Variants in MICAL2 observed in about 807,000 individuals in gnomAD.
MICAL2 encodes [F-actin]-monooxygenase MICAL2.
A neutral mutation model predicts 127.3 loss-of-function variants in MICAL2; 77 were observed. The observed-to-expected ratio is 0.60, with a 90% CI of 0.50 to 0.73. The LOEUF (loss-of-function observed/expected upper bound fraction) is 0.73. Among genes scored for constraint, MICAL2 ranks in the 30% least tolerant of loss-of-function variants. The pLI, the probability that MICAL2 is intolerant of heterozygous loss-of-function variation, is 0.00. For synonymous variants in MICAL2, 570 were observed against 551.1 expected, an observed-to-expected ratio of 1.03 and a Z score of -0.48; for missense variants, 1,351 against 1,434.4, an observed-to-expected ratio of 0.94 and a Z score of 0.94.
At chr11:12,292,115 A>T, downstream of MICAL2, 1 of 1,605,048 alleles carries the variant, frequency 6.2e-7, no homozygotes, top group Non-Finnish European at 8.5e-7. Flanking sequence ...ACACCTTTGT[A>T]ATGAAGAGTG....
intron 3 of MICAL2, among the ~76,000 whole-genome samples, chr11:12,189,146 G>A (rs1043858799): frequency 3.0e-4 from 46 of 152,044 alleles, no homozygotes; most frequent in African/African-American, 1.0e-3. Flanking sequence ...ACCTTTATAC[G>A]TTAACTGTGT....
downstream of MICAL2, among the ~76,000 whole-genome samples, chr11:12,293,298 C>T (rs951413758): frequency 5.9e-5 from 9 of 152,310 alleles, no homozygotes; most frequent in African/African-American, 2.2e-4. Context: ...CCCTGGCTTC[C>T]AACCCAGCTA....
intron 3 of MICAL2, among the ~76,000 whole-genome samples, chr11:12,162,935 C>T (rs1042094416): frequency 2.6e-5 from 4 of 152,142 alleles, no homozygotes; most frequent in Admixed American, 1.3e-4. Flanking sequence ...GAGTTGTGTT[C>T]GCCTGGGTGT....
At chr11:12,252,575 T>C (rs1165725308) in intron 22 of MICAL2, 1 of 152,244 alleles carries the variant, frequency 6.6e-6, no homozygotes, top group African/African-American at 2.4e-5. Flanking sequence ...TCCTGGGCTT[T>C]GTTTGCACCA....
chr11:12,356,735 G>A (rs1186890058), intron 34 of MICAL2, among the ~76,000 whole-genome samples: 1 of 152,200 alleles, frequency 6.6e-6, no homozygotes, highest in Non-Finnish European at 1.5e-5. Context: ...CCCTGTGGCA[G>A]GTCCACTAGC....
chr11:12,167,457 G>A (rs1855649506), intron 3 of MICAL2, among the ~76,000 whole-genome samples: 1 of 152,102 alleles, frequency 6.6e-6, no homozygotes, highest in Non-Finnish European at 1.5e-5. Context: ...AGCGAGGCAG[G>A]GTGCAAGGAT....
chr11:12,309,472 A>G (rs994120911), intron 29 of MICAL2, among the ~76,000 whole-genome samples: 18 of 152,078 alleles, frequency 1.2e-4, no homozygotes, highest in African/African-American at 3.9e-4. Flanking sequence ...TAACATAATG[A>G]CCTTCAGTTT....
At chr11:12,125,262 T>A in intron 1 of MICAL2, among the ~76,000 whole-genome samples, 1 of 152,216 alleles carries the variant, frequency 6.6e-6, no homozygotes, top group Non-Finnish European at 1.5e-5. Flanking sequence ...TAGCTGTACA[T>A]CTTTTTTTTG....
intron 9 of MICAL2, among the ~76,000 whole-genome samples, chr11:12,221,316 C>A (rs1353862240): frequency 1.3e-5 from 2 of 152,212 alleles, no homozygotes; most frequent in Admixed American, 6.5e-5. Flanking sequence ...AGAATCCCAT[C>A]CATTTGTTAA....
chr11:12,123,236 A>G (rs1850655862), intron 1 of MICAL2, among the ~76,000 whole-genome samples: 1 of 152,070 alleles, frequency 6.6e-6, no homozygotes. Flanking sequence ...TCACTCTTGC[A>G]TATATATAAA....
intron 29 of MICAL2, among the ~76,000 whole-genome samples, chr11:12,311,483 C>G (rs937576750): frequency 6.6e-6 from 1 of 152,146 alleles, no homozygotes; most frequent in African/African-American, 2.4e-5. Flanking sequence ...ACGATCTTGA[C>G]TCACTGCAAC....
intron 30 of MICAL2, among the ~76,000 whole-genome samples, chr11:12,321,796 G>A (rs770931260): frequency 1.2e-4 from 18 of 152,042 alleles, no homozygotes; most frequent in Admixed American, 9.2e-4. Flanking sequence ...GCTGGGAAGC[G>A]CTAAGACCAC....
At chr11:12,137,612 A>AGTGTGT (rs148768354) in intron 1 of MICAL2, among the ~76,000 whole-genome samples, 2 of 151,578 alleles carry the variant, frequency 1.3e-5, no homozygotes, top group Non-Finnish European at 2.9e-5. Flanking sequence ...TGTGTGTGTG[A>AGTGTGT]GTGTGTGTGT....
At chr11:12,334,826 G>C (rs1938720809) in intron 32 of MICAL2, among the ~76,000 whole-genome samples, 1 of 151,374 alleles carries the variant, frequency 6.6e-6, no homozygotes, top group Non-Finnish European at 1.5e-5. Flanking sequence ...TGGTGTATAT[G>C]TACATTTTCT....
At chr11:12,283,820 A>G (rs1443405076) in intron 2 of MICAL2, among the ~76,000 whole-genome samples, 2 of 152,248 alleles carry the variant, frequency 1.3e-5, no homozygotes, top group Non-Finnish European at 2.9e-5. Context: ...CGTGCCCAAG[A>G]GGATGGCCTG....
chr11:12,207,039 G>C (rs1406829479), intron 4 of MICAL2, among the ~76,000 whole-genome samples: 2 of 152,096 alleles, frequency 1.3e-5, no homozygotes, highest in Non-Finnish European at 2.9e-5. Context: ...TTCCCCACCT[G>C]TGTGCTAAAG....
At chr11:12,323,238 G>A (rs1864319618) in intron 30 of MICAL2, among the ~76,000 whole-genome samples, 1 of 152,052 alleles carries the variant, frequency 6.6e-6, no homozygotes, top group South Asian at 2.1e-4. Context: ...ACAAGCACAG[G>A]TACACACACA....
intron 21 of MICAL2, 46 bp from the exon 22 acceptor site, chr11:12,249,138 A>G: frequency 6.2e-7 from 1 of 1,610,506 alleles, no homozygotes; most frequent in Non-Finnish European, 8.5e-7. Context: ...ATTCGGAAAG[A>G]AAGCTTATTT....
Position 12,333,590 on chromosome 11 carries a change from T to C in MICAL2, c.5515+6324T>C, listed in dbSNP as rs76217198. Among the ~76,000 whole-genome samples the C allele has an allele frequency of 0.038, 5,743 of 152,282 alleles. 517 individuals are homozygous for C. The East Asian group carries it at 0.4, about 11-fold the overall frequency. The stretch of plus-strand genomic sequence containing the variant: ...TTGGAAAGAAAGAAAAAAAATTTTG[T>C]TGTTTCCAGATGCTAGGATTGTCTA... On this transcript the variant is annotated intron_variant, in intron 32 of 34. Transcript: ENST00000646065.
Sources: allele counts gnomAD v4.1 joint callset (sites outside exome capture counted in the v4.1 genomes callset), GRCh38; gene constraint gnomAD v4.1.1; transcripts MANE v1.5; gene names NCBI Gene and HGNC (gene_info 2026-07-23, HGNC 2026-07-21).